Variants in PAK6 observed in about 807,000 individuals in gnomAD.
The protein encoded by PAK6 is p21 (RAC1) activated kinase 6, also known as serine/threonine-protein kinase PAK 6.
In PAK6, 33 loss-of-function variants were observed where a neutral mutation model predicts 60.8. The ratio of observed to expected loss-of-function variants is 0.54; its 90% CI spans 0.41 to 0.73. The LOEUF is 0.73. PAK6 is among the 30% of genes least tolerant of loss of function. The pLI, the probability that PAK6 is intolerant of heterozygous loss-of-function variation, is 0.00. For missense variants in PAK6, 845 were observed against 904.1 expected (o/e 0.93, Z 0.84); for synonymous variants, 404 against 378.5 (o/e 1.07, Z -0.78).
At chr15:40,264,740 T>C in intron 3 of PAK6, 41 bp from the exon 4 acceptor site, 1 of 1,585,948 alleles carries the variant, frequency 6.3e-7, no homozygotes, top group Non-Finnish European at 8.6e-7. Context: ...CAGCCACCCC[T>C]CTTTCCCGGG....
At position 40,271,696 on chromosome 15, in the gene PAK6, C is replaced by G. The variant is rs563361779; in HGVS notation, c.859-528C>G. Among the ~76,000 whole-genome samples, 266 of 152,150 alleles carry G rather than the reference C, an allele frequency of 1.7e-3. 1 individual carries two copies. Among genetic ancestry groups the G allele is most frequent in the Non-Finnish European group, 2.9e-3 (195 of 68,026 alleles). On this transcript the variant is annotated intron_variant, in intron 5 of 10. Coordinates refer to ENST00000560346, the Ensembl canonical transcript of PAK6. ...AGGCACAGGCAGGGCTATCGGGCCC[C>G]AGGTGTGGCTCCCCTGCCTTGGTTC... is the stretch of plus-strand genomic sequence containing the variant.
chr15:40,256,674 G>A (rs565081163), intron 3 of PAK6, among the ~76,000 whole-genome samples: 1 of 152,262 alleles, frequency 6.6e-6, no homozygotes, highest in Non-Finnish European at 1.5e-5. Context: ...TCAGGTCCTG[G>A]GTCAGACTCG....
exon 8 of PAK6, chr15:40,273,459 C>A (rs915606382): frequency 6.8e-6 from 11 of 1,613,814 alleles, no homozygotes; most frequent in Non-Finnish European, 9.3e-6. Flanking sequence ...ATCCTGCTGA[C>A]CCTCGATGGC....
chr15:40,242,830 G>A (rs1377991774), intron 2 of PAK6, among the ~76,000 whole-genome samples: 1 of 152,196 alleles, frequency 6.6e-6, no homozygotes, highest in Non-Finnish European at 1.5e-5. Flanking sequence ...GGTCCAGGCA[G>A]CACCTTGTTC....
intron 2 of PAK6, chr15:40,244,994 G>A (rs1256417463): frequency 6.6e-6 from 1 of 152,238 alleles, no homozygotes; most frequent in Non-Finnish European, 1.5e-5. Context: ...TTTGACACCT[G>A]TGGATTCTCC....
At chr15:40,277,148 C>T (rs948428226) in exon 11 of PAK6, 1 of 152,256 alleles carries the variant, frequency 6.6e-6, no homozygotes, top group Non-Finnish European at 1.5e-5. Context: ...GAACCACCTC[C>T]GGGTTTCCAT....
chr15:40,273,049 G>T, intron 7 of PAK6, 50 bp downstream of exon 7: 1 of 1,599,494 alleles, frequency 6.3e-7, no homozygotes, highest in Non-Finnish European at 8.5e-7. Flanking sequence ...CCTCACCATG[G>T]CCCTGCCAGG....
At chr15:40,275,308 T>A (rs1228927359) in intron 10 of PAK6, among the ~76,000 whole-genome samples, 2 of 141,288 alleles carry the variant, frequency 1.4e-5, no homozygotes, top group African/African-American at 5.7e-5. Context: ...TTTTTGGAGA[T>A]GGAGTCTCTC....
At chr15:40,270,357 C>A (rs2039266859) in intron 5 of PAK6, among the ~76,000 whole-genome samples, 2 of 152,178 alleles carry the variant, frequency 1.3e-5, no homozygotes, top group Admixed American at 1.3e-4. Context: ...TTCCATGGGC[C>A]TCCTAGGACC....
exon 11 of PAK6, chr15:40,276,527 G>A (rs956110817): frequency 1.2e-5 from 2 of 161,256 alleles, no homozygotes; most frequent in Admixed American, 1.3e-4. Flanking sequence ...AGTCTCGAGA[G>A]GGCCACGGGG....
rs753635082 is a variant in PAK6, at chr15:40,273,484, C to T, written c.1617+12C>T. On this transcript the variant is annotated intron_variant, in intron 8 of 10. Coordinates refer to ENST00000560346, the Ensembl canonical transcript of PAK6. ...CCCTCGATGGCAGGGTAGGTCCCAT[C>T]CTGTCCCTGGCACAGCCACGCTCCC... 4.3e-6 allele frequency: 7 copies of T among 1,613,460 alleles called. No individual in the cohort carries two copies. In the African/African-American group the frequency reaches 9.3e-5, roughly 22 times the overall value.
intron 2 of PAK6, 135 bp downstream of exon 2, chr15:40,240,816 C>A: frequency 3.0e-6 from 1 of 329,602 alleles, no homozygotes; most frequent in South Asian, 2.2e-5. Context: ...AGGGGCTCCA[C>A]TCCCCACCCG....
intron 5 of PAK6, among the ~76,000 whole-genome samples, chr15:40,271,890 G>A (rs1028580040): frequency 6.6e-6 from 1 of 152,214 alleles, no homozygotes; most frequent in Non-Finnish European, 1.5e-5. Flanking sequence ...CAGCCTCCCT[G>A]GGGTCTAGCT....
intron 3 of PAK6, chr15:40,256,708 G>A (rs183888469): frequency 1.2e-4 from 18 of 152,298 alleles, no homozygotes; most frequent in Middle Eastern, 3.4e-3. Flanking sequence ...TTTGCCTCTC[G>A]GCTTGAATGA....
chr15:40,273,195 T>A, intron 7 of PAK6, 151 bp from the exon 8 acceptor site: 1 of 1,157,904 alleles, frequency 8.6e-7, no homozygotes, highest in Non-Finnish European at 1.2e-6. Flanking sequence ...AGGCCCCAGT[T>A]TTCACCAGGG....
rs776943230 is a variant in PAK6, at chr15:40,273,422, A to G, written c.1567A>G (p.Ile523Val). 3.7e-6 allele frequency: 6 copies of G among 1,613,832 alleles called. No homozygotes were observed. The Admixed American group carries it at 1.0e-4, about 27-fold the overall frequency. The stretch of plus-strand genomic sequence containing the variant: ...GGCCTACCTGCATGCTCAGGGTGTC[A>G]TCCACCGGGACATCAAGAGTGACTC... The change falls in exon 8 of 11, where the codon ATC (isoleucine) becomes GTC (valine). Residue 523 changes from isoleucine to valine, a missense_variant. Physicochemically the swap from Ile to Val is conservative, Grantham distance 29. Transcript: ENST00000560346.
chr15:40,266,461 G>C (rs2140981942), exon 5 of PAK6: 1 of 1,611,162 alleles, frequency 6.2e-7, no homozygotes, highest in East Asian at 2.2e-5. Context: ...GCCCCTCCAA[G>C]CAGCAGCAAG....
At chr15:40,273,572 T>G in exon 9 of PAK6, 1 of 1,614,008 alleles carries the variant, frequency 6.2e-7, no homozygotes, top group South Asian at 1.1e-5. Flanking sequence ...GGACTTCGGA[T>G]TCTGTGCTCA....
intron 5 of PAK6, among the ~76,000 whole-genome samples, chr15:40,270,298 G>A (rs1220714475): frequency 6.6e-6 from 1 of 152,172 alleles, no homozygotes; most frequent in Non-Finnish European, 1.5e-5. Context: ...GAGGCTCCCT[G>A]AGGCCGTAAG....
Sources: allele counts gnomAD v4.1 joint callset (sites outside exome capture counted in the v4.1 genomes callset), GRCh38; gene constraint gnomAD v4.1.1; transcripts MANE v1.5; gene names NCBI Gene and HGNC (gene_info 2026-07-23, HGNC 2026-07-21).